Variants in PROSER1 observed in about 807,000 individuals in gnomAD.
The protein encoded by PROSER1 is proline and serine-rich protein 1.
A neutral mutation model predicts 71.8 loss-of-function variants in PROSER1; 36 were observed. The ratio of observed to expected loss-of-function variants is 0.50; its 90% confidence interval spans 0.38 to 0.66. PROSER1 has a LOEUF of 0.66. Ranked by LOEUF, PROSER1 falls within the 30% of genes least tolerant of loss-of-function variation. The pLI, the probability that PROSER1 is intolerant of heterozygous loss-of-function variation, is 0.00. For synonymous variants in PROSER1, 490 were observed against 452.4 expected (o/e 1.08, Z -1.06); for missense variants, 1,107 against 1,135.0 (o/e 0.98, Z 0.35).
At chr13:39,019,568 T>C (rs1870191180) in intron 9 of PROSER1, among the ~76,000 whole-genome samples, 3 of 127,852 alleles carry the variant, frequency 2.3e-5, no homozygotes, top group Non-Finnish European at 3.4e-5. Flanking sequence ...TAAAATGATA[T>C]ATAGAATAGT....
At position 39,029,247 on chromosome 13, in the gene PROSER1, TAAAAAAAAAAAAAAAAA is replaced by T; in HGVS notation, c.275+17_275+33del. 1 of 741,240 alleles carries T rather than the reference TAAAAAAAAAAAAAAAAA, an allele frequency of 1.3e-6. No individual in the cohort carries two copies. Among genetic ancestry groups the T allele is most frequent in the Non-Finnish European group, 1.9e-6 (1 of 514,470 alleles). The allele number at this position is 741,240 out of a possible 1,614,324, so 45.9% of individuals were successfully genotyped here. A position where few individuals can be genotyped will look rare whatever the true frequency, so the allele number is the denominator to read the frequency against. ...AAACGCTTCTACATTTTTTCCCAAG[TAAAAAAAAAAAAAAAAA>T]AAAAAGAAATACTTACGAGGCTAAC... On this transcript the variant is annotated intron_variant, in intron 4 of 12. Coordinates refer to ENST00000352251, the MANE Select transcript of PROSER1 (RefSeq NM_025138.5).
In PROSER1 at chr13:39,019,361, AAG is replaced by A. The variant is rs1242491975; in HGVS notation, c.731-1819_731-1818del. Among the ~76,000 whole-genome samples, 359 of 148,622 alleles carry A rather than the reference AAG, an allele frequency of 2.4e-3. 3 individuals carry two copies. Among genetic ancestry groups the A allele is most frequent in the African/African-American group, 8.7e-3 (343 of 39,282 alleles). On this transcript the variant is annotated intron_variant, in intron 9 of 12. Coordinates refer to ENST00000352251, the MANE Select transcript of PROSER1 (RefSeq NM_025138.5). Reference sequence around the variant, plus strand: ...TACTAAAAATACAAAAAAAAAAAAAAAGAAAAATTAGCCAGGCATGGTGGTAT... The same window carrying A: ...TACTAAAAATACAAAAAAAAAAAAAAAAAAATTAGCCAGGCATGGTGGTAT...
In PROSER1 at chr13:39,028,240, C is replaced by T; in HGVS notation, c.356G>A (p.Arg119Lys). 1 of 1,570,724 alleles carries T rather than the reference C, an allele frequency of 6.4e-7. No homozygotes were observed. Among genetic ancestry groups the T allele is most frequent in the Non-Finnish European group, 8.8e-7 (1 of 1,141,660 alleles). Residue 119 changes from arginine (R) to lysine (K), a missense_variant, in exon 5 of 13, where the codon AGA becomes AAA. Transcript: ENST00000352251. ...VNMSEKKRCKRILEQAFKGGC... is the reference protein window; with the variant it reads ...VNMSEKKRCKKILEQAFKGGC... ...TTAGAAAACTACCTGTTCAAGTATT[C>T]TCTTGCACCGTTTCTTCTCAGACAT... is the stretch of plus-strand genomic sequence containing the variant.
At chr13:39,023,204 A>G in intron 7 of PROSER1, 74 bp from the exon 8 acceptor site, 1 of 1,128,590 alleles carries the variant, frequency 8.9e-7, no homozygotes, top group South Asian at 1.2e-5. Context: ...GTCTTTCAAA[A>G]TATTTAGTCC....
rs558359986 is a variant in PROSER1 at position 39,017,810 on chromosome 13, A to C, written c.731-266T>G. The C allele has an allele frequency of 1.2e-3, 409 of 328,778 alleles. 12 individuals carry two copies. The South Asian group carries it at 0.017, about 13-fold the overall frequency. The allele number at this position is 328,778 out of a possible 1,614,324, so 20.4% of individuals were successfully genotyped here. A position where few individuals can be genotyped will look rare whatever the true frequency, so the allele number is the denominator to read the frequency against. On this transcript the variant is annotated intron_variant, in intron 9 of 12. Transcript: ENST00000352251. ...TTTTATCCCCTAGCATCTCTACCTT[A>C]GCTTGTCAAGTTTTAAATACACACT...
At chr13:39,031,767 G>A (rs1396979262) in intron 2 of PROSER1, 136 bp from the exon 3 acceptor site, 6 of 673,002 alleles carry the variant, frequency 8.9e-6, no homozygotes, top group African/African-American at 7.3e-5. Flanking sequence ...TTTAAAAACT[G>A]TGCTAACAGA....
intron 12 of PROSER1, 50 bp from the exon 13 acceptor site, chr13:39,011,537 G>A (rs557533574): frequency 3.1e-6 from 5 of 1,595,448 alleles, no homozygotes; most frequent in African/African-American, 1.3e-5. Context: ...GTTCATTCAA[G>A]CCTGCGCTTG....
intron 1 of PROSER1, among the ~76,000 whole-genome samples, chr13:39,036,270 G>A (rs1871094318): frequency 6.6e-6 from 1 of 152,038 alleles, no homozygotes; most frequent in African/African-American, 2.4e-5. Context: ...ACTTAAACAC[G>A]TCAATTTGAA....
At chr13:39,017,792 C>T in intron 9 of PROSER1, 1 of 372,122 alleles carries the variant, frequency 2.7e-6, no homozygotes, top group East Asian at 5.9e-5. Context: ...CTCTTTTATC[C>T]CCTAGCATCT....
chr13:39,012,474 T>G (rs534895226), intron 11 of PROSER1: 18 of 641,364 alleles, frequency 2.8e-5, no homozygotes, highest in African/African-American at 5.5e-5. Flanking sequence ...GTCTTATAAA[T>G]AAAACTATCA....
intron 4 of PROSER1, among the ~76,000 whole-genome samples, chr13:39,028,715 C>T (rs1870666869): frequency 6.6e-6 from 1 of 152,002 alleles, no homozygotes; most frequent in South Asian, 2.1e-4. Context: ...CCTATGCATA[C>T]AAAAAGGACT....
In PROSER1 at chr13:39,013,069, G is replaced by T. The variant is rs34532807; in HGVS notation, c.2183C>A (p.Thr728Asn). The change falls in exon 11 of 13, where the codon ACC (threonine) becomes AAC (asparagine). Residue 728 changes from threonine (T) to asparagine (N), a missense_variant. Thr to Asn is a moderately conservative substitution (Grantham distance 65, BLOSUM62 0). Transcript: ENST00000352251. The stretch of plus-strand genomic sequence containing the variant: ...TGTGGAGGTGGCAGCGGTAGATGAG[G>T]TGGCTATTAATGACCCTGGGAGAGA... The part of the protein sequence containing the change: ...SVSLPGSLIA[T>N]SSTAATSTSL... The T allele has an allele frequency of 6.2e-7, 1 of 1,614,158 alleles. No individual in the cohort carries two copies. Among genetic ancestry groups the T allele is most frequent in the East Asian group, 2.2e-5 (1 of 44,874 alleles).
chr13:39,029,959 G>C (rs1334699965), intron 3 of PROSER1, among the ~76,000 whole-genome samples: 1 of 152,122 alleles, frequency 6.6e-6, no homozygotes, highest in African/African-American at 2.4e-5. Flanking sequence ...TATTTGACTA[G>C]AGTACCTTTA....
At position 39,011,453 on chromosome 13, in the gene PROSER1, G is replaced by A. The variant is rs1381957876; in HGVS notation, c.2747C>T (p.Ala916Val). The A allele has an allele frequency of 6.2e-7, 1 of 1,614,070 alleles. No individual in the cohort carries two copies. The highest frequency in any genetic ancestry group is 1.1e-5 in the South Asian group (1 of 91,080). The change falls in exon 13 of 13, where the codon GCT becomes GTT. Residue 916 changes from alanine (A) to valine (V), a missense_variant. Coordinates refer to ENST00000352251, the MANE Select transcript of PROSER1 (RefSeq NM_025138.5). ...HSASALESYP[A>V]QPDGFPSYPS... ...ATAACTAGGAAACCCATCAGGCTGA[G>A]CTGGATAGCTTTCCAGAGCCGAAGC...
chr13:39,025,886 T>C lies in PROSER1; in HGVS notation c.480+391A>G, dbSNP rs1034454255. Reference sequence around the variant, plus strand: ...ACATTAGATGATATAAAAACAAGTTTCTTTTTTATAGTACTTCTCAGAGCC... The same window carrying C: ...ACATTAGATGATATAAAAACAAGTTCCTTTTTTATAGTACTTCTCAGAGCC... On this transcript the variant is annotated intron_variant, in intron 6 of 12. Coordinates refer to ENST00000352251, the MANE Select transcript of PROSER1 (RefSeq NM_025138.5). 5.3e-5 allele frequency among the ~76,000 whole-genome samples: 8 copies of C among 152,192 alleles called. No homozygotes were observed. The South Asian group carries it at 6.2e-4, about 12-fold the overall frequency.
At chr13:39,029,115 T>C (rs1870690024) in intron 4 of PROSER1, 166 bp downstream of exon 4, 1 of 456,894 alleles carries the variant, frequency 2.2e-6, no homozygotes. Context: ...TAGTCATATA[T>C]GTAATAAGTA....
Position 39,013,435 on chromosome 13 carries a change from A to G in PROSER1, c.1817T>C (p.Met606Thr), listed in dbSNP as rs202015661. 46 of 1,614,034 alleles carry G rather than the reference A, an allele frequency of 2.9e-5. 2 individuals are homozygous for G. The South Asian group carries it at 4.0e-4, about 14-fold the overall frequency. Residue 606 changes from methionine to threonine, a missense_variant, in exon 11 of 13, where the codon ATG (methionine) becomes ACG (threonine). By Grantham distance (81) the Met-to-Thr change is moderately conservative. Transcript: ENST00000352251. ...STPAATTLPV[M>T]IKTEPTSPTP... ...AGGACTTGTGGGCTCAGTTTTGATC[A>G]TAACAGGAAGAGTTGTTGCAGCAGG...
intron 5 of PROSER1, among the ~76,000 whole-genome samples, chr13:39,027,727 T>C (rs1870611430): frequency 6.6e-6 from 1 of 152,142 alleles, no homozygotes; most frequent in African/African-American, 2.4e-5. Flanking sequence ...AATCCTACCT[T>C]AGAAATAACT....
chr13:39,030,516 C>G (rs1258688512), intron 3 of PROSER1, among the ~76,000 whole-genome samples: 2 of 152,088 alleles, frequency 1.3e-5, no homozygotes, highest in African/African-American at 4.8e-5. Flanking sequence ...AAGCAAAGCC[C>G]TCATCAATAT....
Sources: allele counts gnomAD v4.1 joint callset (sites outside exome capture counted in the v4.1 genomes callset), GRCh38; gene constraint gnomAD v4.1.1; transcripts MANE v1.5; gene names NCBI Gene and HGNC (gene_info 2026-07-23, HGNC 2026-07-21).